RYR2: variants seen among roughly 807,000 people sequenced by gnomAD.
RYR2 encodes cardiac muscle ryanodine receptor-calcium release channel.
RYR2 carries 227 observed loss-of-function variants against 601.1 expected under a neutral mutation model. The ratio of observed to expected loss-of-function variants is 0.38; its 90% CI spans 0.34 to 0.42. The LOEUF is 0.42. Ranked by LOEUF, RYR2 falls within the 10% of genes least tolerant of loss-of-function variation. The pLI, the probability that RYR2 is intolerant of heterozygous loss-of-function variation, is 1.00. For missense variants in RYR2, 4,646 were observed against 6,156.5 expected, an observed-to-expected ratio of 0.75 and a Z score of 8.21; for synonymous variants, 2,223 against 2,175.1, an observed-to-expected ratio of 1.02 and a Z score of -0.61.
intron 3 of RYR2, among the ~76,000 whole-genome samples, chr1:237,334,874 T>C (rs1697099672): frequency 6.6e-6 from 1 of 152,334 alleles, no homozygotes; most frequent in African/African-American, 2.4e-5. Context: ...AGAGAACTGC[T>C]TGAGAATACC....
chr1:237,280,655 C>T lies in RYR2; in HGVS notation c.168+10039C>T, dbSNP rs1440377132. Among the ~76,000 whole-genome samples the T allele has an allele frequency of 5.9e-5, 9 of 152,048 alleles. No homozygotes were observed. The South Asian group carries it at 1.0e-3, about 18-fold the overall frequency. On this transcript the variant is annotated intron_variant, in intron 2 of 104. Transcript: ENST00000366574. Reference sequence around the variant, plus strand: ...GTGATTAGATACTTGAACAGAGTTCCGATAGAACAGAAGAGTTGAAAGAAA... The same window carrying T: ...GTGATTAGATACTTGAACAGAGTTCTGATAGAACAGAAGAGTTGAAAGAAA...
chr1:237,347,432 C>T (rs915384662), intron 3 of RYR2, among the ~76,000 whole-genome samples: 1 of 152,100 alleles, frequency 6.6e-6, no homozygotes, highest in African/African-American at 2.4e-5. Flanking sequence ...GAATTCACTG[C>T]TTGTTGAAAT....
chr1:237,594,799 G>C (rs1319115181), intron 33 of RYR2, among the ~76,000 whole-genome samples: 1 of 149,430 alleles, frequency 6.7e-6, no homozygotes, highest in Non-Finnish European at 1.5e-5. Context: ...TGCTGATAAG[G>C]CTCAAATTAC....
Position 237,669,513 on chromosome 1 carries a change from C to A in RYR2, c.8590+1555C>A, listed in dbSNP as rs1164689848. The stretch of plus-strand genomic sequence containing the variant: ...GGCTGGCCGGGCGGGGGGCTGACCC[C>A]CCCCACCTCCCTCCCGCACGGGGCG... On this transcript the variant is annotated intron_variant, in intron 58 of 104. Transcript: ENST00000366574. 8.6e-5 allele frequency among the ~76,000 whole-genome samples: 13 copies of A among 151,268 alleles called. No individual in the cohort carries two copies. The East Asian group carries it at 2.4e-3, about 28-fold the overall frequency.
chr1:237,377,785 T>C (rs1328061622), intron 8 of RYR2, among the ~76,000 whole-genome samples: 2 of 152,220 alleles, frequency 1.3e-5, no homozygotes, highest in Non-Finnish European at 2.9e-5. Context: ...GAAAAGGCTA[T>C]ATTAATGAGG....
chr1:237,593,587 C>T lies in RYR2; in HGVS notation c.4387C>T (p.Arg1463Cys), dbSNP rs764144130. Residue 1463 changes from arginine to cysteine, a missense_variant, in exon 33 of 105, where the codon CGC becomes TGC. Around this residue, in one of 17 missense-constraint regions of RYR2, gnomAD observed 1,807 missense variants for 2,088.1 expected, o/e 0.87. Coordinates refer to ENST00000366574, the MANE Select transcript of RYR2 (RefSeq NM_001035.3). ...YDTGFDLDRV[R>C]TVTVTLGDEK... ...CACAGGCTTTGACTTGGACAGAGTT[C>T]GCACAGTAACAGTTACTCTAGGAGA... 11 of 1,613,570 alleles carry T rather than the reference C, an allele frequency of 6.8e-6. No homozygotes were observed. Among genetic ancestry groups the T allele is most frequent in the East Asian group, 6.7e-5 (3 of 44,852 alleles).
chr1:237,535,484 T>TACACACAC (rs58146773), intron 25 of RYR2, among the ~76,000 whole-genome samples: 1,552 of 144,700 alleles, frequency 0.011, 11 homozygotes, highest in Middle Eastern at 0.033. Context: ...CAAACACACA[T>TACACACAC]ACACACACAC....
intron 84 of RYR2, among the ~76,000 whole-genome samples, chr1:237,762,887 TC>T (rs1273666920): frequency 6.6e-6 from 1 of 152,208 alleles, no homozygotes; most frequent in Non-Finnish European, 1.5e-5. Flanking sequence ...TACCCTCCCT[TC>T]CTCAGTCATC....
At chr1:237,069,011 A>C (rs4284252) in intron 1 of RYR2, among the ~76,000 whole-genome samples, 141,214 of 152,158 alleles carry the variant, frequency 0.93, 66,371 homozygotes, top group East Asian at 1. Flanking sequence ...AAGAAGTTAT[A>C]AATGTAAGAA....
Position 237,700,347 on chromosome 1 carries a change from A to G in RYR2, c.9247A>G (p.Thr3083Ala), listed in dbSNP as rs1314333170. The change falls in exon 65 of 105, where the codon ACC becomes GCC. Residue 3083 changes from threonine (T) to alanine (A), a missense_variant. Physicochemically the swap from Thr to Ala is moderately conservative, Grantham distance 58. Around this residue, in one of 17 missense-constraint regions of RYR2, gnomAD observed 1,497 missense variants for 1,842.6 expected, o/e 0.81. Transcript: ENST00000366574. ...CCTCAAGCAGGGCCAGTTCACTCAC[A>G]CCCGAAACCAGCCCAAAGGGGTTAC... ...ENLKQGQFTH[T>A]RNQPKGVTQI... 1.9e-6 allele frequency: 3 copies of G among 1,602,804 alleles called. No homozygotes were observed. The highest frequency in any genetic ancestry group is 2.2e-5 in the East Asian group (1 of 44,606).
chr1:237,393,568 G>T (rs1300766090), intron 10 of RYR2, among the ~76,000 whole-genome samples: 5 of 152,148 alleles, frequency 3.3e-5, no homozygotes, highest in Non-Finnish European at 5.9e-5. Context: ...CTATTCTGTT[G>T]TTCTCCAAAA....
intron 1 of RYR2, among the ~76,000 whole-genome samples, chr1:237,125,758 T>G (rs1425302867): frequency 6.6e-6 from 1 of 152,244 alleles, no homozygotes; most frequent in Non-Finnish European, 1.5e-5. Flanking sequence ...CGTGCCTATT[T>G]TGGTTTTATT....
At chr1:237,209,337 A>G (rs1298581073) in intron 1 of RYR2, among the ~76,000 whole-genome samples, 1 of 152,088 alleles carries the variant, frequency 6.6e-6, no homozygotes, top group East Asian at 1.9e-4. Flanking sequence ...ATCTGTATCT[A>G]GCTACATCAC....
intron 14 of RYR2, 59 bp from the exon 15 acceptor site, chr1:237,454,332 G>A: frequency 6.6e-7 from 1 of 1,511,132 alleles, no homozygotes; most frequent in South Asian, 1.3e-5. Context: ...ATCTATAAAT[G>A]GAAAAATGAT....
intron 10 of RYR2, among the ~76,000 whole-genome samples, chr1:237,389,002 C>T (rs1468262389): frequency 6.6e-6 from 1 of 151,962 alleles, no homozygotes; most frequent in Non-Finnish European, 1.5e-5. Flanking sequence ...AGTCATTTAA[C>T]CAGCTGCATA....
At chr1:237,816,564 C>T (rs1462040632) in intron 100 of RYR2, among the ~76,000 whole-genome samples, 2 of 152,064 alleles carry the variant, frequency 1.3e-5, no homozygotes, top group East Asian at 1.9e-4. Flanking sequence ...TGGCGGACAC[C>T]TGTAATCTCA....
chr1:237,579,888 G>C (rs1189155601), intron 29 of RYR2, among the ~76,000 whole-genome samples: 2 of 151,976 alleles, frequency 1.3e-5, no homozygotes, highest in African/African-American at 4.8e-5. Context: ...TGTAAGGAAA[G>C]CAAAACAAAA....
chr1:237,043,121 G>T (rs928397401), intron 1 of RYR2, among the ~76,000 whole-genome samples: 1 of 152,224 alleles, frequency 6.6e-6, no homozygotes, highest in African/African-American at 2.4e-5. Context: ...CTGACCGGGG[G>T]CGGGGGTGAT....
At chr1:237,363,492 C>T (rs1699952064) in intron 4 of RYR2, among the ~76,000 whole-genome samples, 1 of 151,906 alleles carries the variant, frequency 6.6e-6, no homozygotes, top group African/African-American at 2.4e-5. Flanking sequence ...GAAAACTTTT[C>T]CTTGCTGTTT....
Sources: allele counts gnomAD v4.1 joint callset (sites outside exome capture counted in the v4.1 genomes callset), GRCh38; gene constraint gnomAD v4.1.1; regional missense constraint gnomAD v4.1.1; transcripts MANE v1.5; gene names NCBI Gene and HGNC (gene_info 2026-07-23, HGNC 2026-07-21).